Variants in CCDC85C observed in about 807,000 individuals in gnomAD.
The protein encoded by CCDC85C is coiled-coil domain-containing protein 85C.
A neutral mutation model predicts 38.3 loss-of-function variants in CCDC85C; 18 were observed. That is an observed-to-expected ratio of 0.47 (90% CI 0.33 to 0.70). The LOEUF (loss-of-function observed/expected upper bound fraction) is 0.70, where lower values mean the gene tolerates loss of function less well. Ranked by LOEUF, CCDC85C falls within the 30% of genes least tolerant of loss-of-function variation. The probability of loss-of-function intolerance (pLI) is 0.03; values close to 1 mark genes in which losing one functional copy is unlikely to be tolerated. For missense variants in CCDC85C, 566 were observed against 621.2 expected, an observed-to-expected ratio of 0.91 and a Z score of 0.94; for synonymous variants, 264 against 293.8, an observed-to-expected ratio of 0.90 and a Z score of 1.04.
chr14:99,600,142 G>A (rs536864313), intron 1 of CCDC85C, among the ~76,000 whole-genome samples: 1 of 152,334 alleles, frequency 6.6e-6, no homozygotes, highest in South Asian at 2.1e-4. Flanking sequence ...CAAACATTCA[G>A]GTGAGCTGTC....
In CCDC85C at chr14:99,507,252, A is replaced by G. The variant is rs1896998623; in HGVS notation, c.*7994T>C. On this transcript the variant is annotated 3_prime_UTR_variant, in exon 6 of 6. Transcript: ENST00000380243. The stretch of plus-strand genomic sequence containing the variant: ...AAAAGGGAGACTGGGGCCCAGATTG[A>G]CAATGTCAGCCACAGGCAGGAATCT... 2 of 779,030 alleles carry G rather than the reference A, an allele frequency of 2.6e-6. No homozygotes were observed. Among genetic ancestry groups the G allele is most frequent in the Non-Finnish European group, 4.6e-6 (2 of 434,308 alleles). The allele number at this position is 779,030 out of a possible 1,614,324, so 48.3% of individuals were successfully genotyped here. A position where few individuals can be genotyped will look rare whatever the true frequency, so the allele number is the denominator to read the frequency against.
At chr14:99,583,851 G>A (rs1407326317) in intron 1 of CCDC85C, among the ~76,000 whole-genome samples, 1 of 149,648 alleles carries the variant, frequency 6.7e-6, no homozygotes, top group African/African-American at 2.5e-5. Flanking sequence ...ACATACACAT[G>A]TGATAAAATC....
At chr14:99,599,211 C>A (rs1201165670) in intron 1 of CCDC85C, among the ~76,000 whole-genome samples, 1 of 152,082 alleles carries the variant, frequency 6.6e-6, no homozygotes, top group East Asian at 1.9e-4. Flanking sequence ...AGCAGGAGAA[C>A]AAACCTGTCT....
intron 1 of CCDC85C, among the ~76,000 whole-genome samples, chr14:99,581,885 T>G (rs2054974301): frequency 6.6e-6 from 1 of 152,230 alleles, no homozygotes; most frequent in African/African-American, 2.4e-5. Context: ...CGTCTTCCCA[T>G]GACTGACCAT....
chr14:99,514,978 G>A lies in CCDC85C; in HGVS notation c.*268C>T, dbSNP rs868456119. ...TTGCTCATGGAGCCCAGGGCCCAGAGGGGGAATGAGGCGTCCGGGCCGCTC... is the reference window on the plus strand; with the variant it reads ...TTGCTCATGGAGCCCAGGGCCCAGAAGGGGAATGAGGCGTCCGGGCCGCTC... On this transcript the variant is annotated 3_prime_UTR_variant, in exon 6 of 6. Transcript: ENST00000380243. 1.9e-5 allele frequency: 7 copies of A among 372,212 alleles called. No homozygotes were observed. Among genetic ancestry groups the A allele is most frequent in the South Asian group, 1.9e-4 (6 of 32,352 alleles). 23.1% of individuals were successfully genotyped at this position (372,212 alleles called of 1,614,324 possible). A position where few individuals can be genotyped will look rare whatever the true frequency, so the allele number is the denominator to read the frequency against.
rs953251072 is a variant in CCDC85C, at chr14:99,569,982, G to C, written c.793+33185C>G. 7.9e-5 allele frequency among the ~76,000 whole-genome samples: 12 copies of C among 151,988 alleles called. No homozygotes were observed. The highest frequency in any genetic ancestry group is 8.8e-5 in the Non-Finnish European group (6 of 67,956). On this transcript the variant is annotated intron_variant, in intron 1 of 5. Transcript: ENST00000380243. The surrounding 1 kb of genome is among the most constrained non-coding windows in gnomAD (Gnocchi z 4.3). The stretch of plus-strand genomic sequence containing the variant: ...GTCTCAAAAAAAAAAGAAAGAGCCT[G>C]AGCTCAGGCCCAGCGTTACCCTGAG...
rs113600439 is a variant in CCDC85C, at chr14:99,520,239, G to T, written c.975+1894C>A. 1.3e-5 allele frequency among the ~76,000 whole-genome samples: 2 copies of T among 152,148 alleles called. No individual in the cohort carries two copies. The highest frequency in any genetic ancestry group is 2.9e-5 in the Non-Finnish European group (2 of 68,012). On this transcript the variant is annotated intron_variant, in intron 3 of 5. Transcript: ENST00000380243. This position sits in a 1 kb window ranked among gnomAD's most constrained non-coding sequence, Gnocchi z 4.1. ...TGTGTGCCAGGCAGTGTCTGAGCCC[G>T]GAGACGGCCCTCTCTGGATAACCCC...
chr14:99,561,626 C>A (rs1222528703), intron 1 of CCDC85C, among the ~76,000 whole-genome samples: 1 of 152,170 alleles, frequency 6.6e-6, no homozygotes, highest in Non-Finnish European at 1.5e-5. Flanking sequence ...GTGCTGCGAG[C>A]GGGCAGACCC....
At position 99,501,581 on chromosome 14, in the gene CCDC85C, C is replaced by T. The variant is rs1489689996; in HGVS notation, c.*13665G>A. 1.5e-5 allele frequency: 9 copies of T among 584,004 alleles called. No homozygotes were observed. Among genetic ancestry groups the T allele is most frequent in the African/African-American group, 3.8e-5 (2 of 53,024 alleles). The allele number at this position is 584,004 out of a possible 1,614,324, so 36.2% of individuals were successfully genotyped here. A position where few individuals can be genotyped will look rare whatever the true frequency, so the allele number is the denominator to read the frequency against. ...GCTGACGTCCAGGTCATCTGCTTCC[C>T]GGCAGAGGGTTTCCTTCTGCCCTGC... is the stretch of plus-strand genomic sequence containing the variant. On this transcript the variant is annotated 3_prime_UTR_variant, in exon 6 of 6. Coordinates refer to ENST00000380243, the MANE Select transcript of CCDC85C (RefSeq NM_001144995.2).
intron 1 of CCDC85C, among the ~76,000 whole-genome samples, chr14:99,598,083 C>T (rs1456813441): frequency 3.3e-5 from 5 of 152,222 alleles, no homozygotes; most frequent in Admixed American, 2.0e-4. Flanking sequence ...ACATGCCCCT[C>T]GGCATGCGGG....
chr14:99,519,176 C>T (rs1489937828), intron 3 of CCDC85C, among the ~76,000 whole-genome samples: 1 of 142,096 alleles, frequency 7.0e-6, no homozygotes, highest in Non-Finnish European at 1.5e-5. Context: ...AGTACAGTGG[C>T]ACCATCTCAG....
chr14:99,537,319 G>A (rs145938344), intron 1 of CCDC85C, among the ~76,000 whole-genome samples: 15 of 152,246 alleles, frequency 9.9e-5, no homozygotes, highest in African/African-American at 3.6e-4. Context: ...CCACCTCAGG[G>A]CTGGGGATGG....
intron 1 of CCDC85C, among the ~76,000 whole-genome samples, chr14:99,541,490 T>G (rs929464372): frequency 6.6e-6 from 1 of 152,132 alleles, no homozygotes; most frequent in Non-Finnish European, 1.5e-5. Context: ...CAACTTCACG[T>G]GGGTTATGTG....
intron 1 of CCDC85C, among the ~76,000 whole-genome samples, chr14:99,561,190 T>C (rs12884975): frequency 0.57 from 86,092 of 152,180 alleles, 25,088 homozygotes; most frequent in African/African-American, 0.71. Context: ...CGGCCCTGGC[T>C]TCCTGGGACC....
rs574078980 is a variant in CCDC85C at position 99,516,670 on chromosome 14, G to A, written c.1072-384C>T. Reference sequence around the variant, plus strand: ...GATGTCATGGGGCACGTACGTAGGAGGAAGGGGGGCATGGGAGTGGGGACT... The same window carrying A: ...GATGTCATGGGGCACGTACGTAGGAAGAAGGGGGGCATGGGAGTGGGGACT... On this transcript the variant is annotated intron_variant, in intron 4 of 5. Coordinates refer to ENST00000380243, the MANE Select transcript of CCDC85C (RefSeq NM_001144995.2). This position sits in a 1 kb window ranked among gnomAD's most constrained non-coding sequence, Gnocchi z 5.5. 3.3e-4 allele frequency among the ~76,000 whole-genome samples: 51 copies of A among 152,250 alleles called. No homozygotes were observed. The highest frequency in any genetic ancestry group is 1.1e-3 in the African/African-American group (47 of 41,546).
intron 1 of CCDC85C, among the ~76,000 whole-genome samples, chr14:99,602,645 C>T (rs1341147226): frequency 1.3e-5 from 2 of 152,224 alleles, no homozygotes; most frequent in East Asian, 3.9e-4. Context: ...CCCCAACTGC[C>T]TCTGGGTCTC....
chr14:99,521,123 T>C (rs1897297940), intron 3 of CCDC85C, among the ~76,000 whole-genome samples: 1 of 152,180 alleles, frequency 6.6e-6, no homozygotes, highest in South Asian at 2.1e-4. Context: ...TCCCACGATC[T>C]GAATGAATGA....
chr14:99,585,167 G>A (rs1218033311), intron 1 of CCDC85C, among the ~76,000 whole-genome samples: 1 of 152,236 alleles, frequency 6.6e-6, no homozygotes, highest in Non-Finnish European at 1.5e-5. Flanking sequence ...AAAGACACAT[G>A]CCGATAACCA....
chr14:99,553,612 C>T (rs1007672072), intron 1 of CCDC85C, among the ~76,000 whole-genome samples: 6 of 152,190 alleles, frequency 3.9e-5, no homozygotes, highest in Admixed American at 2.6e-4. Context: ...ATCCGCCTGC[C>T]TCGGCCTCCC....
Sources: gnomAD v4.1 joint callset for allele counts (sites outside exome capture counted in the v4.1 genomes callset) on GRCh38, gnomAD v4.1.1 for gene constraint, Gnocchi (gnomAD v3.1) non-coding constraint, MANE v1.5 for transcripts, NCBI Gene and HGNC (gene_info 2026-07-23, HGNC 2026-07-21) for gene names.